Variants in VPS39 observed in about 807,000 individuals in gnomAD.
The protein encoded by VPS39 is vam6/Vps39-like protein.
A neutral mutation model predicts 121.0 loss-of-function variants in VPS39; 70 were observed. That is an observed-to-expected ratio of 0.58 (90% CI 0.48 to 0.71). The LOEUF (loss-of-function observed/expected upper bound fraction) is 0.71. Ranked by LOEUF, VPS39 falls within the 30% of genes least tolerant of loss-of-function variation. VPS39 has a pLI of 0.00. For missense variants in VPS39, 818 were observed against 1,051.5 expected (o/e 0.78, Z 3.07); for synonymous variants, 378 against 398.1 (o/e 0.95, Z 0.60).
At chr15:42,195,215 C>A (rs1401013512) in intron 2 of VPS39, among the ~76,000 whole-genome samples, 1 of 151,930 alleles carries the variant, frequency 6.6e-6, no homozygotes, top group African/African-American at 2.4e-5. Context: ...TCGAGGCGGG[C>A]GGATCACTTG....
chr15:42,192,001 C>A, intron 2 of VPS39: 1 of 1,492,138 alleles, frequency 6.7e-7, no homozygotes, highest in Non-Finnish European at 9.0e-7. Context: ...TTCTGTATCA[C>A]GGAGACAGAG....
At position 42,208,081 on chromosome 15, in the gene VPS39, C is replaced by T; in HGVS notation, c.73G>A (p.Glu25Lys). ...TCGGCCCCGCGGCCCCTCGGCTCAC[C>T]CCAGGCAGCCAGACAGTCGATTTGC... Reference protein sequence around the residue: ...PLQIDCLAAWEEWLLVGTKQG... With the variant: ...PLQIDCLAAWKEWLLVGTKQG... Residue 25 changes from glutamate (E) to lysine (K), a missense_variant and splice_region_variant, in exon 1 of 25, where the codon GAG becomes AAG. Coordinates refer to ENST00000318006, the MANE Select transcript of VPS39 (RefSeq NM_015289.5). 1 of 1,580,436 alleles carries T rather than the reference C, an allele frequency of 6.3e-7. No homozygotes were observed. Among genetic ancestry groups the T allele is most frequent in the Non-Finnish European group, 8.6e-7 (1 of 1,162,560 alleles).
intron 16 of VPS39, 26 bp from the exon 17 acceptor site, chr15:42,165,842 C>A: frequency 1.2e-6 from 2 of 1,601,740 alleles, no homozygotes; most frequent in African/African-American, 1.3e-5. Flanking sequence ...CGAGTTCCAG[C>A]AGCAGAACCA....
intron 15 of VPS39, 83 bp from the exon 16 acceptor site, chr15:42,166,315 G>A (rs988140215): frequency 5.3e-5 from 76 of 1,423,794 alleles, no homozygotes; most frequent in Non-Finnish European, 7.0e-5. Flanking sequence ...GGTTGCCCCA[G>A]AATTCATTTT....
At chr15:42,198,530 A>G (rs959257138) in intron 2 of VPS39, among the ~76,000 whole-genome samples, 1 of 152,100 alleles carries the variant, frequency 6.6e-6, no homozygotes, top group Non-Finnish European at 1.5e-5. Flanking sequence ...TTTTGTAGAC[A>G]GGGTGTTGCC....
intron 17 of VPS39, chr15:42,165,449 C>T (rs1467545920): frequency 2.8e-5 from 13 of 467,992 alleles, no homozygotes; most frequent in Non-Finnish European, 4.1e-5. Flanking sequence ...TTTTGAGTTT[C>T]GCTTTGGAAT....
At chr15:42,186,616 C>T (rs1456619032) in intron 7 of VPS39, among the ~76,000 whole-genome samples, 2 of 152,100 alleles carry the variant, frequency 1.3e-5, no homozygotes, top group African/African-American at 2.4e-5. Flanking sequence ...AGAAAAACAA[C>T]GTCATGGATA....
At position 42,178,589 on chromosome 15, in the gene VPS39, A is replaced by G. The variant is rs566827623; in HGVS notation, c.719-19T>C. ...TGGTGCTCTGTGAAAGAGAACATAC[A>G]CAGCAGTTGTTCCGGTCTAAGGCTT... On this transcript the variant is annotated intron_variant, in intron 8 of 24. Transcript: ENST00000318006. 2 of 1,613,362 alleles carry G rather than the reference A, an allele frequency of 1.2e-6. No individual in the cohort carries two copies. Among genetic ancestry groups the G allele is most frequent in the African/African-American group, 1.3e-5 (1 of 75,032 alleles).
intron 10 of VPS39, among the ~76,000 whole-genome samples, chr15:42,176,514 C>T (rs549211579): frequency 7.3e-5 from 11 of 151,424 alleles, no homozygotes; most frequent in African/African-American, 2.7e-4. Flanking sequence ...AGTTATGGTT[C>T]TTGGGTAGGA....
chr15:42,187,163 G>T, intron 7 of VPS39, 108 bp downstream of exon 7: 1 of 768,156 alleles, frequency 1.3e-6, no homozygotes, highest in Non-Finnish European at 2.1e-6. Context: ...AACAAATCCT[G>T]TTATGCCAAA....
intron 2 of VPS39, among the ~76,000 whole-genome samples, chr15:42,193,512 TA>T (rs1230684932): frequency 2.0e-5 from 3 of 152,190 alleles, no homozygotes. Context: ...TTCTGTTACG[TA>T]AAAAAACATT....
At chr15:42,166,064 T>G (rs1323103107) in intron 16 of VPS39, 95 bp downstream of exon 16, 2 of 1,265,232 alleles carry the variant, frequency 1.6e-6, no homozygotes, top group African/African-American at 1.5e-5. Flanking sequence ...TGAAGACAGA[T>G]GCATGAATCC....
chr15:42,189,794 CTTTTTTTTTT>C (rs34353468), intron 4 of VPS39, among the ~76,000 whole-genome samples: 10 of 34,026 alleles, frequency 2.9e-4, no homozygotes, highest in Non-Finnish European at 4.8e-4. Flanking sequence ...CCAAAACACT[CTTTTTTTTTT>C]TTTTTTTTTT....
chr15:42,195,530 GACAA>G (rs1487886397), intron 2 of VPS39, among the ~76,000 whole-genome samples: 5 of 152,196 alleles, frequency 3.3e-5, no homozygotes, highest in Admixed American at 2.0e-4. Context: ...ACCAATAACA[GACAA>G]ACAGAGAGCC....
intron 1 of VPS39, among the ~76,000 whole-genome samples, chr15:42,206,993 T>C (rs1366699791): frequency 1.3e-5 from 2 of 152,254 alleles, no homozygotes; most frequent in African/African-American, 2.4e-5. Flanking sequence ...CCCAAAGGAC[T>C]AGAACTGCTT....
Position 42,187,334 on chromosome 15 carries a change from C to G in VPS39, c.471G>C (p.Lys157Asn). The change falls in exon 7 of 25, where the codon AAG becomes AAC. Residue 157 changes from lysine (K) to asparagine (N), a missense_variant. Physicochemically the swap from Lys to Asn is moderately conservative, Grantham distance 94 (BLOSUM62 0). Transcript: ENST00000318006. ...TAGAATTTTCACACCACGCCATGGA[C>G]TTGGGCACATCTGGCACACTAAAGT... ...QGDFSVPDVP[K>N]SMAWCENSIC... The G allele has an allele frequency of 6.2e-7, 1 of 1,613,478 alleles. No homozygotes were observed. Among genetic ancestry groups the G allele is most frequent in the Admixed American group, 1.7e-5 (1 of 59,796 alleles).
chr15:42,197,539 C>T (rs2049968816), intron 2 of VPS39, among the ~76,000 whole-genome samples: 1 of 152,020 alleles, frequency 6.6e-6, no homozygotes, highest in African/African-American at 2.4e-5. Context: ...GGCGACACAG[C>T]AAGACCCTGT....
At position 42,187,378 on chromosome 15, in the gene VPS39, CA is replaced by C. The variant is rs756685695; in HGVS notation, c.442-16del. The C allele has an allele frequency of 6.3e-7, 1 of 1,583,346 alleles. No homozygotes were observed. Among genetic ancestry groups the C allele is most frequent in the Non-Finnish European group, 8.6e-7 (1 of 1,168,152 alleles). On this transcript the variant is annotated splice_polypyrimidine_tract_variant and intron_variant, in intron 6 of 24. Coordinates refer to ENST00000318006, the MANE Select transcript of VPS39 (RefSeq NM_015289.5). ...CTAAAGTCCCCCTGAAAAAAGAGAG[CA>C]AGGATCTGAATGAAATAAATATTTT...
At chr15:42,202,848 C>T (rs1448303486) in intron 1 of VPS39, among the ~76,000 whole-genome samples, 8 of 152,180 alleles carry the variant, frequency 5.3e-5, no homozygotes, top group African/African-American at 1.9e-4. Context: ...CTCGCATTTG[C>T]TGTCAGTTAT....
Sources: allele counts gnomAD v4.1 joint callset (sites outside exome capture counted in the v4.1 genomes callset), GRCh38; gene constraint gnomAD v4.1.1; transcripts MANE v1.5; gene names NCBI Gene and HGNC (gene_info 2026-07-23, HGNC 2026-07-21).